ADAMTS6: variants seen among roughly 807,000 people sequenced by gnomAD.
ADAMTS6 encodes the protein ADAM metallopeptidase with thrombospondin type 1 motif 6.
In ADAMTS6, 23 loss-of-function variants were observed where a neutral mutation model predicts 144.3. The ratio of observed to expected loss-of-function variants is 0.16; its 90% confidence interval spans 0.11 to 0.23. ADAMTS6 has a LOEUF of 0.23. Among genes scored for constraint, ADAMTS6 ranks in the 10% least tolerant of loss-of-function variants. ADAMTS6 has a pLI of 1.00. For missense variants in ADAMTS6, 999 were observed against 1,379.6 expected, an observed-to-expected ratio of 0.72 and a Z score of 4.37; for synonymous variants, 444 against 457.5, an observed-to-expected ratio of 0.97 and a Z score of 0.38.
chr5:65,330,730 C>A (rs1014691623), intron 8 of ADAMTS6, among the ~76,000 whole-genome samples: 1 of 151,958 alleles, frequency 6.6e-6, no homozygotes, highest in African/African-American at 2.4e-5. Flanking sequence ...GCTAATAGAT[C>A]GTTTGCTTTT....
intron 7 of ADAMTS6, among the ~76,000 whole-genome samples, chr5:65,445,338 G>A (rs1012007192): frequency 6.6e-6 from 1 of 151,974 alleles, no homozygotes; most frequent in African/African-American, 2.4e-5. Flanking sequence ...TTTTTTTGTG[G>A]TTTGTTTTTT....
At chr5:65,223,021 T>C (rs1224744309) in intron 18 of ADAMTS6, among the ~76,000 whole-genome samples, 1 of 151,532 alleles carries the variant, frequency 6.6e-6, no homozygotes, top group African/African-American at 2.4e-5. Context: ...ATGGGTAAAA[T>C]ATTTGTGTAG....
chr5:65,190,941 A>G (rs1754982650), intron 21 of ADAMTS6, among the ~76,000 whole-genome samples: 2 of 151,938 alleles, frequency 1.3e-5, no homozygotes, highest in African/African-American at 2.4e-5. Context: ...CCACTCTCCC[A>G]TCTAGTTTAA....
At chr5:65,458,658 C>T (rs554862461) in intron 4 of ADAMTS6, among the ~76,000 whole-genome samples, 4 of 152,300 alleles carry the variant, frequency 2.6e-5, no homozygotes, top group Non-Finnish European at 5.9e-5. Flanking sequence ...GATCTGCCTG[C>T]CTCGGCCTCC....
At chr5:65,299,846 A>G (rs1353774533) in intron 10 of ADAMTS6, 139 bp downstream of exon 10, 2 of 887,968 alleles carry the variant, frequency 2.3e-6, no homozygotes, top group Non-Finnish European at 3.2e-6. Flanking sequence ...GATATATTAA[A>G]GTATTTAGGA....
At chr5:65,480,797 C>T (rs10041867) in intron 1 of ADAMTS6, among the ~76,000 whole-genome samples, 4,449 of 152,212 alleles carry the variant, frequency 0.029, 203 homozygotes, top group African/African-American at 0.1. Flanking sequence ...ACACACGTTT[C>T]CATCTCTTTG....
chr5:65,471,071 G>T lies in ADAMTS6; in HGVS notation c.169C>A (p.Leu57Ile), dbSNP rs1760396075. 1 of 1,610,584 alleles carries T rather than the reference G, an allele frequency of 6.2e-7. No homozygotes were observed. The highest frequency in any genetic ancestry group is 8.5e-7 in the Non-Finnish European group (1 of 1,178,836). ...PIRVDQNGAF[L>I]SFTVKNDKHS... ...TTATCATTTTTCACAGTAAAGCTGA[G>T]AAATGCTCCATTTTGATCAACCCTT... Residue 57 changes from leucine (L) to isoleucine (I), a missense_variant, in exon 3 of 25, where the codon CTC becomes ATC. Physicochemically the swap from Leu to Ile is conservative, Grantham distance 5 (BLOSUM62 2). Around this residue, in one of 3 missense-constraint regions of ADAMTS6, gnomAD observed 252 missense variants for 293.7 expected, o/e 0.86. Coordinates refer to ENST00000381055, the MANE Select transcript of ADAMTS6 (RefSeq NM_197941.4).
At chr5:65,197,377 A>G (rs890412671) in intron 20 of ADAMTS6, among the ~76,000 whole-genome samples, 2 of 152,244 alleles carry the variant, frequency 1.3e-5, no homozygotes, top group Non-Finnish European at 2.9e-5. Context: ...TCAAGTCCAG[A>G]AAAGAAACTA....
At chr5:65,305,243 A>G (rs1292247450) in intron 9 of ADAMTS6, among the ~76,000 whole-genome samples, 1 of 152,190 alleles carries the variant, frequency 6.6e-6, no homozygotes, top group African/African-American at 2.4e-5. Flanking sequence ...TACTATAGCA[A>G]TATTTCTGTA....
At chr5:65,371,580 A>G (rs146079709) in intron 7 of ADAMTS6, among the ~76,000 whole-genome samples, 4,676 of 152,174 alleles carry the variant, frequency 0.031, 246 homozygotes, top group African/African-American at 0.11. Flanking sequence ...AAAAAAGAAT[A>G]AAAAGAAACG....
intron 20 of ADAMTS6, among the ~76,000 whole-genome samples, chr5:65,209,766 T>A (rs1049264557): frequency 2.6e-5 from 4 of 152,224 alleles, no homozygotes; most frequent in African/African-American, 9.6e-5. Context: ...AGATCTTTCT[T>A]GTTTTCTCTT....
chr5:65,169,342 T>C (rs1753445768), intron 24 of ADAMTS6, among the ~76,000 whole-genome samples: 1 of 135,750 alleles, frequency 7.4e-6, no homozygotes, highest in Non-Finnish European at 1.6e-5. Flanking sequence ...TGAGATATCA[T>C]CTCACACCAG....
chr5:65,419,635 CA>C (rs1331436938), intron 7 of ADAMTS6, among the ~76,000 whole-genome samples: 5 of 152,036 alleles, frequency 3.3e-5, no homozygotes. Context: ...TATATCCATA[CA>C]ATGGGATATT....
intron 7 of ADAMTS6, among the ~76,000 whole-genome samples, chr5:65,423,844 A>C (rs1039373440): frequency 2.0e-5 from 3 of 152,188 alleles, no homozygotes; most frequent in Non-Finnish European, 2.9e-5. Context: ...ACTTCAAAAA[A>C]CAGAACTAAA....
At chr5:65,317,591 CAAAGG>C (rs1265532647) in intron 9 of ADAMTS6, among the ~76,000 whole-genome samples, 2 of 151,938 alleles carry the variant, frequency 1.3e-5, no homozygotes, top group Non-Finnish European at 2.9e-5. Context: ...TTCTGCACAG[CAAAGG>C]AAACAATCAA....
chr5:65,259,943 G>GAT (rs1761035797), intron 14 of ADAMTS6, among the ~76,000 whole-genome samples: 1 of 152,150 alleles, frequency 6.6e-6, no homozygotes, highest in Non-Finnish European at 1.5e-5. Flanking sequence ...GGAGTAATGA[G>GAT]ATATAAACAT....
chr5:65,452,585 A>T, intron 5 of ADAMTS6, 122 bp downstream of exon 5: 1 of 1,047,360 alleles, frequency 9.5e-7, no homozygotes, highest in Non-Finnish European at 1.3e-6. Context: ...TACTAGACCA[A>T]TTTTTTACCA....
chr5:65,307,702 A>G (rs1315594641), intron 9 of ADAMTS6, among the ~76,000 whole-genome samples: 1 of 152,204 alleles, frequency 6.6e-6, no homozygotes, highest in East Asian at 1.9e-4. Context: ...GTAGAGCAGC[A>G]TTAAAATATG....
At chr5:65,417,413 C>T (rs887835545) in intron 7 of ADAMTS6, among the ~76,000 whole-genome samples, 8 of 152,070 alleles carry the variant, frequency 5.3e-5, no homozygotes, top group African/African-American at 1.7e-4. Context: ...AAAAGGCATC[C>T]AAATAGCAAA....
Sources: allele counts gnomAD v4.1 joint callset (sites outside exome capture counted in the v4.1 genomes callset), GRCh38; gene constraint gnomAD v4.1.1; regional missense constraint gnomAD v4.1.1; transcripts MANE v1.5; gene names NCBI Gene and HGNC (gene_info 2026-07-23, HGNC 2026-07-21).